The following KCNQ2 variants were observed in gnomAD, a reference collection of about 807,000 sequenced individuals.
KCNQ2 encodes potassium voltage-gated channel subfamily Q member 2.
In KCNQ2, 14 loss-of-function variants were observed where a neutral mutation model predicts 84.8. The ratio of observed to expected loss-of-function variants is 0.17; its 90% CI spans 0.11 to 0.26. The LOEUF (loss-of-function observed/expected upper bound fraction) is 0.26. KCNQ2 is among the 10% of genes least tolerant of loss of function. KCNQ2 has a pLI of 1.00. For missense variants in KCNQ2, 788 were observed against 1,254.0 expected (o/e 0.63, Z 5.61); for synonymous variants, 599 against 554.1 (o/e 1.08, Z -1.14).
At chr20:63,454,542 C>T (rs145638861) in intron 1 of KCNQ2, among the ~76,000 whole-genome samples, 122 of 152,368 alleles carry the variant, frequency 8.0e-4, no homozygotes, top group African/African-American at 2.9e-3. Context: ...AACCTCCAAA[C>T]TGCGGATAGT....
At chr20:63,444,965 GCT>G in intron 3 of KCNQ2, 131 bp from the exon 4 acceptor site, 2 of 1,093,454 alleles carry the variant, frequency 1.8e-6, no homozygotes, top group Non-Finnish European at 2.6e-6. Flanking sequence ...CCTGGTGTGG[GCT>G]CTGTCAGGCC....
At chr20:63,465,465 C>A (rs921035238) in intron 1 of KCNQ2, among the ~76,000 whole-genome samples, 7 of 152,222 alleles carry the variant, frequency 4.6e-5, no homozygotes, top group African/African-American at 1.7e-4. Flanking sequence ...CCATCACCCG[C>A]TGCTGAGGCC....
chr20:63,465,024 G>A (rs76657709), intron 1 of KCNQ2, among the ~76,000 whole-genome samples: 3,259 of 152,330 alleles, frequency 0.021, 134 homozygotes, highest in African/African-American at 0.073. Context: ...TTCTCCTCCT[G>A]GAAATGTCGA....
At chr20:63,412,212 G>A (rs1014321504) in intron 15 of KCNQ2, 5 of 274,138 alleles carry the variant, frequency 1.8e-5, no homozygotes, top group East Asian at 9.6e-5. Context: ...AACGGGAAAC[G>A]CATTGTCAGG....
chr20:63,424,298 C>G, intron 10 of KCNQ2, 92 bp from the exon 11 acceptor site: 2 of 1,373,036 alleles, frequency 1.5e-6, no homozygotes, highest in Non-Finnish European at 2.0e-6. Flanking sequence ...TCCCATGGGT[C>G]AGGGGCTGCA....
intron 1 of KCNQ2, among the ~76,000 whole-genome samples, chr20:63,467,227 CTCCCCATAT>C (rs1474298948): frequency 6.6e-6 from 1 of 152,210 alleles, no homozygotes. Context: ...CATATCCCTT[CTCCCCATAT>C]TCAAGGCCCC....
At position 63,403,579 on chromosome 20, in the gene KCNQ2, G is replaced by C. The variant is rs1365279172; in HGVS notation, c.*3065C>G. The C allele has an allele frequency of 1.3e-5, 2 of 152,470 alleles. No homozygotes were observed. Among genetic ancestry groups the C allele is most frequent in the African/African-American group, 4.8e-5 (2 of 41,454 alleles). The allele number at this position is 152,470 out of a possible 1,614,324, so 9.4% of individuals were successfully genotyped here. ...GTGTGAGCTACACGTGTGTGCATGT[G>C]TGTGATCTGTGCACGTGTACATGTA... On this transcript the variant is annotated 3_prime_UTR_variant, in exon 17 of 17. Coordinates refer to ENST00000359125, the MANE Select transcript of KCNQ2 (RefSeq NM_172107.4).
Position 63,407,329 on chromosome 20 carries a change from A to G in KCNQ2, c.1934T>C (p.Met645Thr), listed in dbSNP as rs1403210098. ...TGTCGGGGGGATGCCCATCCGCTGCATGTAGATATTCACCAGGAAGTCCAG... is the reference window on the plus strand; with the variant it reads ...TGTCGGGGGGATGCCCATCCGCTGCGTGTAGATATTCACCAGGAAGTCCAG... ...KKLDFLVNIYMQRMGIPPTET... is the reference protein window; with the variant it reads ...KKLDFLVNIYTQRMGIPPTET... The change falls in exon 17 of 17, where the codon ATG becomes ACG. Residue 645 changes from methionine (M) to threonine (T), a missense_variant. By Grantham distance (81) the Met-to-Thr change is moderately conservative. Around this residue, in one of 8 missense-constraint regions of KCNQ2, gnomAD observed 378 missense variants for 434.5 expected, o/e 0.87. Coordinates refer to ENST00000359125, the MANE Select transcript of KCNQ2 (RefSeq NM_172107.4). The surrounding 1 kb of genome is among the most constrained non-coding windows in gnomAD (Gnocchi z 7.2). 1 of 1,597,520 alleles carries G rather than the reference A, an allele frequency of 6.3e-7. No individual in the cohort carries two copies. Among genetic ancestry groups the G allele is most frequent in the Admixed American group, 1.7e-5 (1 of 59,958 alleles).
At chr20:63,441,034 C>G (rs1176610400) in intron 5 of KCNQ2, among the ~76,000 whole-genome samples, 2 of 148,078 alleles carry the variant, frequency 1.4e-5, no homozygotes, top group Non-Finnish European at 3.0e-5. Flanking sequence ...GTGGCGTGAT[C>G]CCGGCTCACT....
chr20:63,442,310 T>C (rs997865176), intron 5 of KCNQ2, 96 bp downstream of exon 5: 37 of 1,493,900 alleles, frequency 2.5e-5, no homozygotes, highest in Non-Finnish European at 3.3e-5. Flanking sequence ...CCCAAAGAGA[T>C]GTATGGAGCA....
Position 63,438,465 on chromosome 20 carries a change from A to T in KCNQ2, c.1023+160T>A. On this transcript the variant is annotated intron_variant, in intron 7 of 16. Transcript: ENST00000359125. This position sits in a 1 kb window ranked among gnomAD's most constrained non-coding sequence, Gnocchi z 5.1. The stretch of plus-strand genomic sequence containing the variant: ...GGGTTGGAGCCATTTCTCAACACAC[A>T]CACTTCACATCCTCGCTCCTTCCAC... The T allele has an allele frequency of 2.9e-6, 2 of 699,114 alleles. No homozygotes were observed. Among genetic ancestry groups the T allele is most frequent in the South Asian group, 3.1e-5 (2 of 64,328 alleles). The allele number at this position is 699,114 out of a possible 1,614,324, so 43.3% of individuals were successfully genotyped here. A position where few individuals can be genotyped will look rare whatever the true frequency, so the allele number is the denominator to read the frequency against.
At chr20:63,443,343 TCACCAC>T (rs1568937312) in intron 4 of KCNQ2, among the ~76,000 whole-genome samples, 10 of 7,292 alleles carry the variant, frequency 1.4e-3, no homozygotes, top group East Asian at 2.3e-3. Context: ...ATCACCACCA[TCACCAC>T]CACCACCACC....
At chr20:63,447,668 C>T (rs921401963) in intron 1 of KCNQ2, among the ~76,000 whole-genome samples, 1 of 152,204 alleles carries the variant, frequency 6.6e-6, no homozygotes, top group African/African-American at 2.4e-5. Context: ...GATCTTGGCT[C>T]GCTGCAACCT....
chr20:63,439,786 C>T (rs2081106154), intron 5 of KCNQ2, 78 bp from the exon 6 acceptor site: 3 of 1,105,262 alleles, frequency 2.7e-6, no homozygotes, highest in Non-Finnish European at 4.1e-6. Flanking sequence ...GCTGGCGACT[C>T]GGGGCTTGGG....
chr20:63,470,308 G>A (rs2082184870), intron 1 of KCNQ2, among the ~76,000 whole-genome samples: 1 of 151,782 alleles, frequency 6.6e-6, no homozygotes, highest in African/African-American at 2.4e-5. Flanking sequence ...AGGCTGGAAG[G>A]CGGGGCTGTT....
intron 1 of KCNQ2, chr20:63,459,383 G>A (rs1363514177): frequency 1.3e-5 from 2 of 152,230 alleles, no homozygotes; most frequent in Non-Finnish European, 2.9e-5. Flanking sequence ...ATGTGGTGGG[G>A]CACCTGCAGT....
rs2081071680 is a variant in KCNQ2 at position 63,438,625 on chromosome 20, C to T, written c.1023G>A (p.Gln341=). 1.2e-6 allele frequency: 2 copies of T among 1,613,334 alleles called. No individual in the cohort carries two copies. The highest frequency in any genetic ancestry group is 1.7e-6 in the Non-Finnish European group (2 of 1,179,822). Residue 341 remains glutamine, a splice_region_variant and synonymous_variant, in exon 7 of 17, where the codon CAG becomes CAA. Coordinates refer to ENST00000359125, the MANE Select transcript of KCNQ2 (RefSeq NM_172107.4). This position sits in a 1 kb window ranked among gnomAD's most constrained non-coding sequence, Gnocchi z 5.1. ...GTCCCCGGGGGACACCTGGACTCAC[C>T]TGGATCAGGCCTGCTGCCGGGTTCC... The part of the protein sequence containing the change: ...KRRNPAAGLI[Q]SAWRFYATNL...
intron 1 of KCNQ2, among the ~76,000 whole-genome samples, chr20:63,455,920 G>A (rs535970002): frequency 1.1e-5 from 1 of 87,918 alleles, no homozygotes; most frequent in African/African-American, 5.7e-5. Context: ...CCTCCGGGAG[G>A]CCCCTCTGCT....
At chr20:63,432,769 C>A (rs1367859380) in intron 8 of KCNQ2, among the ~76,000 whole-genome samples, 1 of 129,070 alleles carries the variant, frequency 7.7e-6, no homozygotes. Flanking sequence ...GAAGGCTCCA[C>A]CCTCAGGGAA....
Sources: allele counts gnomAD v4.1 joint callset (sites outside exome capture counted in the v4.1 genomes callset), GRCh38; gene constraint gnomAD v4.1.1; regional missense constraint gnomAD v4.1.1; non-coding constraint Gnocchi (gnomAD v3.1); transcripts MANE v1.5; gene names NCBI Gene and HGNC (gene_info 2026-07-23, HGNC 2026-07-21).